Variants in CRYBG2 observed in about 807,000 individuals in gnomAD.
The protein encoded by CRYBG2 is beta/gamma crystallin domain-containing protein 2.
Under a neutral mutation model 153.4 loss-of-function variants are expected in CRYBG2, and 106 were observed. That is an observed-to-expected ratio of 0.69 (90% CI 0.59 to 0.81). The LOEUF (loss-of-function observed/expected upper bound fraction) is 0.81, where lower values mean the gene tolerates loss of function less well. Among genes scored for constraint, CRYBG2 ranks in the 30% least tolerant of loss-of-function variants. The probability of loss-of-function intolerance (pLI) is 0.00; values close to 1 mark genes in which losing one functional copy is unlikely to be tolerated. For missense variants in CRYBG2, 1,996 were observed against 2,112.0 expected, an observed-to-expected ratio of 0.95 and a Z score of 1.08; for synonymous variants, 851 against 877.8, an observed-to-expected ratio of 0.97 and a Z score of 0.54.
chr1:26,343,740 C>T lies in CRYBG2; in HGVS notation c.2913+5G>A, dbSNP rs1194773500. On this transcript the variant is annotated splice_donor_5th_base_variant and intron_variant, in intron 2 of 19. Coordinates refer to ENST00000308182, the MANE Select transcript of CRYBG2 (RefSeq NM_001039775.4). This position sits in a 1 kb window ranked among gnomAD's most constrained non-coding sequence, Gnocchi z 4.1. ...CCTCCCTTGCCCACCCGAGGCCTCA[C>T]TTACCCACCCCTCCAGGGGCAGGGA... 2 of 1,445,834 alleles carry T rather than the reference C, an allele frequency of 1.4e-6. No homozygotes were observed. The highest frequency in any genetic ancestry group is 1.5e-5 in the South Asian group (1 of 65,164). 89.6% of individuals were successfully genotyped at this position (1,445,834 alleles called of 1,614,324 possible).
chr1:26,342,772 G>T lies in CRYBG2; in HGVS notation c.3186C>A (p.Ser1062=). 1 of 1,613,894 alleles carries T rather than the reference G, an allele frequency of 6.2e-7. No homozygotes were observed. Residue 1062 remains serine (S), a synonymous_variant, in exon 5 of 20, where the codon TCC becomes TCA. Coordinates refer to ENST00000308182, the MANE Select transcript of CRYBG2 (RefSeq NM_001039775.4). ...GTKWSPQGIG[S]LRRVVWDYST... is the part of the protein sequence containing the mutation. ...CACTCACCCAGACAACCCTCCTTAG[G>T]GAGCCGATGCCTTGGGGACTCCACT...
At position 26,346,783 on chromosome 1, in the gene CRYBG2, C is replaced by A; in HGVS notation, c.-55-71G>T. 9.5e-7 allele frequency: 1 copy of A among 1,050,676 alleles called. No homozygotes were observed. Among genetic ancestry groups the A allele is most frequent in the Non-Finnish European group, 1.3e-6 (1 of 749,424 alleles). 65.1% of individuals were successfully genotyped at this position (1,050,676 alleles called of 1,614,324 possible). A position where few individuals can be genotyped will look rare whatever the true frequency, so the allele number is the denominator to read the frequency against. On this transcript the variant is annotated intron_variant, in intron 1 of 19. Transcript: ENST00000308182. This position sits in a 1 kb window ranked among gnomAD's most constrained non-coding sequence, Gnocchi z 4.9. Reference sequence around the variant, plus strand: ...GCTTCCTAAAGTGCAGAATAACCACCCCTACCCAAGTCAGGCTGGGAACCT... The same window carrying A: ...GCTTCCTAAAGTGCAGAATAACCACACCTACCCAAGTCAGGCTGGGAACCT...
chr1:26,338,482 G>A lies in CRYBG2; in HGVS notation c.3345-5C>T. On this transcript the variant is annotated splice_polypyrimidine_tract_variant and splice_region_variant and intron_variant, in intron 6 of 19. Coordinates refer to ENST00000308182, the MANE Select transcript of CRYBG2 (RefSeq NM_001039775.4). Reference sequence around the variant, plus strand: ...GGTTTGGGGTACAGTAGCCACCTAGGGGAAACAGAGAGGCTGCTGCACCCT... The same window carrying A: ...GGTTTGGGGTACAGTAGCCACCTAGAGGAAACAGAGAGGCTGCTGCACCCT... The A allele has an allele frequency of 6.3e-7, 1 of 1,597,376 alleles. No individual in the cohort carries two copies. Among genetic ancestry groups the A allele is most frequent in the Non-Finnish European group, 8.5e-7 (1 of 1,172,686 alleles).
At position 26,352,286 on chromosome 1, in the gene CRYBG2, GAC is replaced by G. The variant is rs994107353; in HGVS notation, c.-56+1748_-56+1749del. On this transcript the variant is annotated intron_variant, in intron 1 of 19. Coordinates refer to ENST00000308182, the MANE Select transcript of CRYBG2 (RefSeq NM_001039775.4). ...GCCTATAAAAACATACACAACCAGG[GAC>G]ACACACACAAATATACACTCACCCA... is the stretch of plus-strand genomic sequence containing the variant. 4.8e-4 allele frequency among the ~76,000 whole-genome samples: 73 copies of G among 151,946 alleles called. 1 individual carries two copies. The highest frequency in any genetic ancestry group is 1.7e-3 in the African/African-American group (69 of 41,414).
At position 26,343,196 on chromosome 1, in the gene CRYBG2, C is replaced by T. The variant is rs1187372119; in HGVS notation, c.2962-37G>A. ...CAGAAGGGGTCCTCAGGCCCTGACC[C>T]CAGGCCCCTGCATCCTGCTGCCCCC... On this transcript the variant is annotated intron_variant, in intron 3 of 19. Transcript: ENST00000308182. This position sits in a 1 kb window ranked among gnomAD's most constrained non-coding sequence, Gnocchi z 4.1. 6.4e-7 allele frequency: 1 copy of T among 1,550,640 alleles called. No individual in the cohort carries two copies. The highest frequency in any genetic ancestry group is 2.0e-5 in the Admixed American group (1 of 50,998).
chr1:26,329,924 A>G (rs28517282), intron 15 of CRYBG2, among the ~76,000 whole-genome samples: 1 of 152,000 alleles, frequency 6.6e-6, no homozygotes, highest in African/African-American at 2.4e-5. Context: ...TTTTGTAGAG[A>G]CGGGGTTTCA....
At position 26,345,512 on chromosome 1, in the gene CRYBG2, C is replaced by T. The variant is rs774047302; in HGVS notation, c.1146G>A (p.Arg382=). The change falls in exon 2 of 20, where the codon CGG becomes CGA. Residue 382 remains arginine, a synonymous_variant. Transcript: ENST00000308182. ...TAGGGGGCAGAACAAGGGGAGTGAG[C>T]CGGGCCCCGGGGTGAGTGGGCACCA... ...QPVVPTHPGA[R]LTPLVLPPKK... 2 of 1,593,560 alleles carry T rather than the reference C, an allele frequency of 1.3e-6. No individual in the cohort carries two copies. The highest frequency in any genetic ancestry group is 1.1e-5 in the South Asian group (1 of 88,782).
rs908172426 is a variant in CRYBG2 at position 26,325,233 on chromosome 1, T to C, written c.4579-923A>G. On this transcript the variant is annotated intron_variant, in intron 17 of 19. Transcript: ENST00000308182. This position sits in a 1 kb window ranked among gnomAD's most constrained non-coding sequence, Gnocchi z 4.1. The stretch of plus-strand genomic sequence containing the variant: ...TATACAAAGATACACACACTGTCAA[T>C]GGTGTCACAAGTACAAGCATGCGCA... 3 of 152,192 alleles carry C rather than the reference T, an allele frequency of 2.0e-5. No homozygotes were observed. The highest frequency in any genetic ancestry group is 4.4e-5 in the Non-Finnish European group (3 of 68,040). The allele number at this position is 152,192 out of a possible 1,614,324, so 9.4% of individuals were successfully genotyped here.
chr1:26,329,781 T>C (rs1192306006), intron 15 of CRYBG2, among the ~76,000 whole-genome samples: 1 of 152,154 alleles, frequency 6.6e-6, no homozygotes, highest in African/African-American at 2.4e-5. Flanking sequence ...AGTCTCACTC[T>C]GTCACCCAGG....
In CRYBG2 at chr1:26,343,303, A is replaced by T; in HGVS notation, c.2914-10T>A. The T allele has an allele frequency of 6.5e-7, 1 of 1,549,968 alleles. No homozygotes were observed. Among genetic ancestry groups the T allele is most frequent in the African/African-American group, 1.4e-5 (1 of 72,926 alleles). ...TCTTTAAGGCTGGGCTCTGAAACGG[A>T]GGCAGGTGATAAAGAAGTCCTGTGG... On this transcript the variant is annotated splice_polypyrimidine_tract_variant and intron_variant, in intron 2 of 19. Transcript: ENST00000308182. The surrounding 1 kb of genome is among the most constrained non-coding windows in gnomAD (Gnocchi z 4.1).
At position 26,345,385 on chromosome 1, in the gene CRYBG2, T is replaced by C; in HGVS notation, c.1273A>G (p.Thr425Ala). The change falls in exon 2 of 20, where the codon ACA (threonine) becomes GCA (alanine). Residue 425 changes from threonine to alanine, a missense_variant. Thr to Ala is a moderately conservative substitution (Grantham distance 58, BLOSUM62 0). Transcript: ENST00000308182. Reference sequence around the variant, plus strand: ...GGGCTGGGGACATCCTTCCTTCTTGTAGTGGATGGAGCAGGAGGTTGTCCA... The same window carrying C: ...GGGCTGGGGACATCCTTCCTTCTTGCAGTGGATGGAGCAGGAGGTTGTCCA... ...VPGQPPAPST[T>A]RRKDVPSPGG... 6.2e-7 allele frequency: 1 copy of C among 1,613,152 alleles called. No homozygotes were observed. Among genetic ancestry groups the C allele is most frequent in the Non-Finnish European group, 8.5e-7 (1 of 1,179,790 alleles).
Position 26,343,168 on chromosome 1 carries a change from G to A in CRYBG2, c.2962-9C>T. 6.4e-7 allele frequency: 1 copy of A among 1,550,574 alleles called. No individual in the cohort carries two copies. The highest frequency in any genetic ancestry group is 8.7e-7 in the Non-Finnish European group (1 of 1,146,948). ...TCTGAGAAGAAGATCACCTGAGAAG[G>A]CACAGAAGGGGTCCTCAGGCCCTGA... On this transcript the variant is annotated splice_polypyrimidine_tract_variant and intron_variant, in intron 3 of 19. Coordinates refer to ENST00000308182, the MANE Select transcript of CRYBG2 (RefSeq NM_001039775.4). The surrounding 1 kb of genome is among the most constrained non-coding windows in gnomAD (Gnocchi z 4.1).
intron 17 of CRYBG2, among the ~76,000 whole-genome samples, chr1:26,327,518 A>G (rs2073946479): frequency 1.3e-5 from 2 of 151,982 alleles, no homozygotes; most frequent in Admixed American, 1.3e-4. Context: ...ATGTGGTGGC[A>G]CATACTTGTA....
At position 26,328,738 on chromosome 1, in the gene CRYBG2, C is replaced by T; in HGVS notation, c.4450G>A (p.Gly1484Ser). The change falls in exon 16 of 20, where the codon GGC becomes AGC. Residue 1484 changes from glycine (G) to serine (S), a missense_variant. Gly to Ser is a moderately conservative substitution (Grantham distance 56). Coordinates refer to ENST00000308182, the MANE Select transcript of CRYBG2 (RefSeq NM_001039775.4). ...ATGCCTCCCCTCAGCACTCACATGC[C>T]CCCCTTGATCCGCACAGACAGCACA... is the stretch of plus-strand genomic sequence containing the variant. The part of the protein sequence containing the change: ...NHVLSVRIKG[G>S]IWVLCEHSDF... 1.2e-6 allele frequency: 2 copies of T among 1,612,684 alleles called. No homozygotes were observed. Among genetic ancestry groups the T allele is most frequent in the South Asian group, 1.1e-5 (1 of 91,038 alleles).
chr1:26,344,431 T>A lies in CRYBG2; in HGVS notation c.2227A>T (p.Thr743Ser), dbSNP rs1034480364. 6 of 1,524,316 alleles carry A rather than the reference T, an allele frequency of 3.9e-6. No individual in the cohort carries two copies. Among genetic ancestry groups the A allele is most frequent in the Admixed American group, 4.1e-5 (2 of 48,566 alleles). The allele number at this position is 1,524,316 out of a possible 1,614,324, so 94.4% of individuals were successfully genotyped here. A position where few individuals can be genotyped will look rare whatever the true frequency, so the allele number is the denominator to read the frequency against. The change falls in exon 2 of 20, where the codon ACC (threonine) becomes TCC (serine). Residue 743 changes from threonine to serine, a missense_variant. Thr to Ser is a moderately conservative substitution (Grantham distance 58, BLOSUM62 1). Coordinates refer to ENST00000308182, the MANE Select transcript of CRYBG2 (RefSeq NM_001039775.4). Reference protein sequence around the residue: ...STESQLVSDPTEGKTCTETSR... With the variant: ...STESQLVSDPSEGKTCTETSR... ...GTCTCTGTGCACGTCTTGCCCTCGG[T>A]GGGATCAGAGACAAGCTGGGACTCC...
rs1442361641 is a variant in CRYBG2, at chr1:26,346,689, C to A, written c.-32G>T. On this transcript the variant is annotated 5_prime_UTR_variant, in exon 2 of 20. It adds an upstream start codon to the 5' untranslated region. Coordinates refer to ENST00000308182, the MANE Select transcript of CRYBG2 (RefSeq NM_001039775.4). This position sits in a 1 kb window ranked among gnomAD's most constrained non-coding sequence, Gnocchi z 4.9. ...CCCTGGCAACCTGTCTGGAGGTGTC[C>A]TTGTCCCACTGTGGTCCAGCTCCCT... The A allele has an allele frequency of 6.7e-7, 1 of 1,490,178 alleles. No homozygotes were observed. Among genetic ancestry groups the A allele is most frequent in the Non-Finnish European group, 8.9e-7 (1 of 1,118,066 alleles). The allele number at this position is 1,490,178 out of a possible 1,614,324, so 92.3% of individuals were successfully genotyped here.
At chr1:26,329,558 T>C (rs2073975314) in intron 15 of CRYBG2, among the ~76,000 whole-genome samples, 1 of 149,714 alleles carries the variant, frequency 6.7e-6, no homozygotes, top group Admixed American at 6.7e-5. Flanking sequence ...CGGCTCACTG[T>C]AGCCTCAACT....
chr1:26,334,847 G>C (rs372516954), intron 14 of CRYBG2, among the ~76,000 whole-genome samples: 11 of 151,848 alleles, frequency 7.2e-5, no homozygotes, highest in African/African-American at 2.4e-4. Context: ...TGCTTGAACC[G>C]GGAGGCAGAG....
chr1:26,336,321 C>A lies in CRYBG2; in HGVS notation c.4071+17G>T. The A allele has an allele frequency of 1.9e-6, 3 of 1,613,090 alleles. No homozygotes were observed. Among genetic ancestry groups the A allele is most frequent in the South Asian group, 2.2e-5 (2 of 90,804 alleles). ...GAGACGTGAGCCCAGCGGCTCCCTG[C>A]GGAGTCCCTGCCTTACCTTTGAGAC... On this transcript the variant is annotated intron_variant, in intron 13 of 19. Transcript: ENST00000308182. This position sits in a 1 kb window ranked among gnomAD's most constrained non-coding sequence, Gnocchi z 4.9.
Sources: allele counts gnomAD v4.1 joint callset (sites outside exome capture counted in the v4.1 genomes callset), GRCh38; gene constraint gnomAD v4.1.1; non-coding constraint Gnocchi (gnomAD v3.1); transcripts MANE v1.5; gene names NCBI Gene and HGNC (gene_info 2026-07-23, HGNC 2026-07-21).